NME7: variants seen among roughly 807,000 people sequenced by gnomAD.
NME7 encodes NME/NM23 family member 7.
NME7 carries 41 observed loss-of-function variants against 49.1 expected under a neutral mutation model. The observed-to-expected ratio is 0.83, with a 90% CI of 0.65 to 1.08. The LOEUF is 1.08. NME7 is among the 50% of genes least tolerant of loss of function. The pLI is 0.00. For synonymous variants in NME7, 139 were observed against 150.6 expected (o/e 0.92, Z 0.56); for missense variants, 423 against 463.4 (o/e 0.91, Z 0.80).
At chr1:169,181,364 TACACACACACACACACAC>T in intron 10 of NME7, among the ~76,000 whole-genome samples, 1 of 91,466 alleles carries the variant, frequency 1.1e-5, no homozygotes, top group Non-Finnish European at 2.7e-5. Flanking sequence ...CTCAAATTCC[TACACACACACACACACAC>T]ACACACACAC....
Position 169,324,373 on chromosome 1 carries a change from G to C in NME7, c.111+20C>G. ...GTTCACCCCCTTTGCCAACATTCAA[G>C]CAAAGAAAGGCTTATTTACCATTTC... On this transcript the variant is annotated intron_variant, in intron 2 of 11. Coordinates refer to ENST00000367811, the MANE Select transcript of NME7 (RefSeq NM_013330.5). 6.6e-7 allele frequency: 1 copy of C among 1,521,528 alleles called. No individual in the cohort carries two copies. The allele number at this position is 1,521,528 out of a possible 1,614,324, so 94.3% of individuals were successfully genotyped here.
intron 7 of NME7, among the ~76,000 whole-genome samples, chr1:169,251,395 C>A (rs916312799): frequency 2.6e-5 from 4 of 151,922 alleles, no homozygotes; most frequent in African/African-American, 9.7e-5. Flanking sequence ...CTCTTGAAGA[C>A]AGTATATATT....
intron 10 of NME7, among the ~76,000 whole-genome samples, 189 bp downstream of exon 10, chr1:169,230,529 C>CA (rs541395907): frequency 1.2e-3 from 184 of 151,734 alleles, no homozygotes; most frequent in Non-Finnish European, 2.0e-3. Context: ...ACTAAGTTAA[C>CA]AAAAAAAATT....
At chr1:169,289,334 TCTTTATTA>T (rs978055469) in intron 6 of NME7, among the ~76,000 whole-genome samples, 4 of 152,182 alleles carry the variant, frequency 2.6e-5, no homozygotes, top group Non-Finnish European at 5.9e-5. Flanking sequence ...GCTTAGTCCA[TCTTTATTA>T]CTTGTTCACT....
intron 1 of NME7, among the ~76,000 whole-genome samples, chr1:169,356,823 G>A (rs1470923871): frequency 1.3e-5 from 2 of 152,142 alleles, no homozygotes; most frequent in African/African-American, 4.8e-5. Flanking sequence ...AATCAATGTT[G>A]ACATTAATAT....
intron 10 of NME7, among the ~76,000 whole-genome samples, chr1:169,216,243 C>A (rs148270461): frequency 4.6e-5 from 7 of 152,266 alleles, no homozygotes; most frequent in African/African-American, 1.7e-4. Context: ...AGCTGTTCAC[C>A]AGAAAGATCA....
At chr1:169,207,497 A>T (rs1046426144) in intron 10 of NME7, among the ~76,000 whole-genome samples, 3 of 152,178 alleles carry the variant, frequency 2.0e-5, no homozygotes, top group African/African-American at 7.2e-5. Flanking sequence ...GGGTACACCC[A>T]AGGGGGAAGA....
chr1:169,149,986 C>T (rs1378803392), intron 11 of NME7, among the ~76,000 whole-genome samples: 1 of 152,140 alleles, frequency 6.6e-6, no homozygotes. Flanking sequence ...CTTCATGATT[C>T]TTAATCACTT....
At chr1:169,232,902 G>GTTTTCTTTTC in intron 9 of NME7, among the ~76,000 whole-genome samples, 1 of 107,140 alleles carries the variant, frequency 9.3e-6, no homozygotes, top group East Asian at 2.7e-4. Flanking sequence ...CCTTTCTGTT[G>GTTTTCTTTTC]TTTTCTTTTC....
intron 1 of NME7, among the ~76,000 whole-genome samples, chr1:169,357,410 T>G (rs954204612): frequency 6.6e-6 from 1 of 152,080 alleles, no homozygotes; most frequent in African/African-American, 2.4e-5. Flanking sequence ...TCAAGTTTGA[T>G]TCTAGAAGTG....
At chr1:169,139,202 C>T (rs1658520458) in intron 11 of NME7, among the ~76,000 whole-genome samples, 2 of 152,172 alleles carry the variant, frequency 1.3e-5, no homozygotes, top group African/African-American at 4.8e-5. Flanking sequence ...ATATGCTTAT[C>T]GGTCAATTTT....
intron 7 of NME7, among the ~76,000 whole-genome samples, chr1:169,268,329 T>C (rs1649382163): frequency 2.2e-5 from 3 of 133,536 alleles, no homozygotes; most frequent in Admixed American, 1.5e-4. Context: ...AACACTTATA[T>C]ACCTGTTGGG....
intron 1 of NME7, among the ~76,000 whole-genome samples, chr1:169,336,574 T>C (rs961310319): frequency 5.3e-5 from 8 of 152,214 alleles, no homozygotes; most frequent in South Asian, 2.1e-4. Context: ...AGAGTGTCGA[T>C]TGGTGCATTC....
At chr1:169,297,166 G>T (rs1650742883) in intron 6 of NME7, among the ~76,000 whole-genome samples, 1 of 151,940 alleles carries the variant, frequency 6.6e-6, no homozygotes, top group Admixed American at 6.6e-5. Flanking sequence ...TAGAAACAGG[G>T]TTTTACCATA....
At chr1:169,150,088 C>T (rs543704669) in intron 11 of NME7, among the ~76,000 whole-genome samples, 3 of 152,278 alleles carry the variant, frequency 2.0e-5, no homozygotes, top group African/African-American at 7.2e-5. Flanking sequence ...TGGAGGACTG[C>T]CTGAGCACAG....
At chr1:169,165,900 C>T (rs1027278809) in intron 11 of NME7, among the ~76,000 whole-genome samples, 2 of 152,056 alleles carry the variant, frequency 1.3e-5, no homozygotes, top group African/African-American at 4.8e-5. Context: ...AATAATCAGC[C>T]ATATAAGAGG....
intron 7 of NME7, among the ~76,000 whole-genome samples, chr1:169,239,313 C>T (rs1558002313): frequency 6.6e-6 from 1 of 151,690 alleles, no homozygotes. Context: ...TGGATGGCAG[C>T]AGTAGAGAAA....
chr1:169,330,792 G>GA (rs1455263120), intron 1 of NME7, among the ~76,000 whole-genome samples: 1 of 152,000 alleles, frequency 6.6e-6, no homozygotes, highest in East Asian at 1.9e-4. Flanking sequence ...AGAAGAAACA[G>GA]AAAAATAACC....
intron 6 of NME7, among the ~76,000 whole-genome samples, chr1:169,294,457 TA>T (rs1414034353): frequency 6.6e-6 from 1 of 152,148 alleles, no homozygotes; most frequent in Non-Finnish European, 1.5e-5. Flanking sequence ...TATGTTTTGG[TA>T]AAATCTGGAA....
Sources: allele counts gnomAD v4.1 joint callset (sites outside exome capture counted in the v4.1 genomes callset), GRCh38; gene constraint gnomAD v4.1.1; transcripts MANE v1.5; gene names NCBI Gene and HGNC (gene_info 2026-07-23, HGNC 2026-07-21).